Variants in COL5A2 observed in about 807,000 individuals in gnomAD.
The protein encoded by COL5A2 is collagen type V alpha 2 chain.
COL5A2 carries 23 observed loss-of-function variants against 208.2 expected under a neutral mutation model. That is an observed-to-expected ratio of 0.11 (90% CI 0.08 to 0.16). The LOEUF is 0.16. COL5A2 is among the 10% of genes least tolerant of loss of function. COL5A2 has a pLI of 1.00. For synonymous variants in COL5A2, 625 were observed against 628.5 expected, an observed-to-expected ratio of 0.99 and a Z score of 0.08; for missense variants, 1,590 against 1,956.4, an observed-to-expected ratio of 0.81 and a Z score of 3.53.
chr2:189,383,761 C>T, the COL5A2 span, among the ~76,000 whole-genome samples: 12 of 151,904 alleles, frequency 7.9e-5, no homozygotes, highest in African/African-American at 2.9e-4. Flanking sequence ...GTGTTAGGAA[C>T]GTTCTAATTC....
At chr2:189,055,168 C>T (rs1376058836) in intron 35 of COL5A2, among the ~76,000 whole-genome samples, 4 of 152,296 alleles carry the variant, frequency 2.6e-5, no homozygotes, top group East Asian at 1.9e-4. Flanking sequence ...CAGGCGTGAG[C>T]CATCGCGCCC....
intron 3 of COL5A2, among the ~76,000 whole-genome samples, chr2:189,100,415 T>C (rs1687024944): frequency 6.6e-6 from 1 of 151,706 alleles, no homozygotes; most frequent in Non-Finnish European, 1.5e-5. Flanking sequence ...ATCCAAAGAG[T>C]TGACTAGAGC....
chr2:189,097,470 G>A, intron 5 of COL5A2, 140 bp from the exon 6 acceptor site: 1 of 877,302 alleles, frequency 1.1e-6, no homozygotes, highest in Non-Finnish European at 1.8e-6. Flanking sequence ...AGAGAATAAA[G>A]CCATGTGCAT....
chr2:189,167,519 CTA>C (rs1252563423), intron 1 of COL5A2, among the ~76,000 whole-genome samples: 3 of 152,064 alleles, frequency 2.0e-5, no homozygotes, highest in African/African-American at 7.3e-5. Context: ...GTTTATAAAC[CTA>C]TGAGTTGTGT....
chr2:189,325,136 GA>G, the COL5A2 span, among the ~76,000 whole-genome samples: 1 of 151,726 alleles, frequency 6.6e-6, no homozygotes, highest in Non-Finnish European at 1.5e-5. Flanking sequence ...TTGGACACGG[GA>G]AGGGGAACAT....
the COL5A2 span, among the ~76,000 whole-genome samples, chr2:189,317,452 A>T: frequency 6.6e-6 from 1 of 152,120 alleles, no homozygotes; most frequent in Non-Finnish European, 1.5e-5. Flanking sequence ...CAATGTTCCA[A>T]ATACTTTCTA....
chr2:189,064,933 C>T (rs1686114914), intron 24 of COL5A2, 71 bp downstream of exon 24: 1 of 1,426,948 alleles, frequency 7.0e-7, no homozygotes, highest in Non-Finnish European at 9.8e-7. Context: ...ATAGCTAGAT[C>T]ACCGTGCTGA....
At chr2:189,172,969 T>C (rs974728666) in intron 1 of COL5A2, among the ~76,000 whole-genome samples, 4 of 13,212 alleles carry the variant, frequency 3.0e-4, no homozygotes, top group Non-Finnish European at 7.3e-4. Flanking sequence ...TTTCCTCTTC[T>C]TTTTTTTTTT....
At chr2:189,100,504 G>C (rs1333188639) in intron 3 of COL5A2, among the ~76,000 whole-genome samples, 1 of 151,740 alleles carries the variant, frequency 6.6e-6, no homozygotes, top group Non-Finnish European at 1.5e-5. Context: ...CACAAAAAGA[G>C]CCAGAAATTG....
At chr2:189,042,836 A>C in intron 48 of COL5A2, 63 bp from the exon 49 acceptor site, 14 of 1,468,368 alleles carry the variant, frequency 9.5e-6, no homozygotes, top group Non-Finnish European at 1.2e-5. Context: ...TGCCATTCTC[A>C]AAAATGTGCT....
At chr2:189,086,450 G>A (rs942231943) in intron 9 of COL5A2, among the ~76,000 whole-genome samples, 1 of 152,082 alleles carries the variant, frequency 6.6e-6, no homozygotes, top group East Asian at 1.9e-4. Context: ...ATAACATAAT[G>A]AATTTCTTAC....
chr2:189,312,546 G>A, the COL5A2 span, among the ~76,000 whole-genome samples: 2 of 152,172 alleles, frequency 1.3e-5, no homozygotes, highest in Non-Finnish European at 2.9e-5. Flanking sequence ...GCCGTCCCAG[G>A]AAGAGAGCAA....
the COL5A2 span, among the ~76,000 whole-genome samples, chr2:189,280,651 A>G: frequency 6.6e-6 from 1 of 152,232 alleles, no homozygotes; most frequent in Non-Finnish European, 1.5e-5. Flanking sequence ...TCAATTCTGT[A>G]TTTTCCAGGA....
the COL5A2 span, among the ~76,000 whole-genome samples, chr2:189,310,523 A>G: frequency 6.6e-6 from 1 of 152,224 alleles, no homozygotes; most frequent in Non-Finnish European, 1.5e-5. Flanking sequence ...GAAGTTCCTC[A>G]AAAAACTAAA....
At chr2:189,224,632 T>A (rs1689390020) in intron 1 of COL5A2, among the ~76,000 whole-genome samples, 1 of 151,976 alleles carries the variant, frequency 6.6e-6, no homozygotes, top group African/African-American at 2.4e-5. Context: ...GAGGTTGAAG[T>A]GAGCTGAGAA....
chr2:189,045,224 C>A lies in COL5A2; in HGVS notation c.3318G>T (p.Arg1106=). Residue 1106 remains arginine (R), a synonymous_variant, in exon 47 of 54, where the codon CGG becomes CGT. Transcript: ENST00000374866. ...CTCGACCAGGTGGTCCTATAGGACCCCGAGAACCCTAAAAGAAATTTACAA... is the reference window on the plus strand; with the variant it reads ...CTCGACCAGGTGGTCCTATAGGACCACGAGAACCCTAAAAGAAATTTACAA... ...DAGQRGDPGS[R]GPIGPPGRAG... The A allele has an allele frequency of 6.2e-7, 1 of 1,605,876 alleles. No individual in the cohort carries two copies. Among genetic ancestry groups the A allele is most frequent in the Non-Finnish European group, 8.5e-7 (1 of 1,176,012 alleles).
chr2:189,071,442 A>C (rs1417735666), intron 18 of COL5A2, among the ~76,000 whole-genome samples: 1 of 152,198 alleles, frequency 6.6e-6, no homozygotes, highest in Non-Finnish European at 1.5e-5. Flanking sequence ...CAAAGTACTG[A>C]GAGAAAGAAC....
the COL5A2 span, among the ~76,000 whole-genome samples, chr2:189,243,857 C>T: frequency 4.6e-5 from 7 of 152,180 alleles, no homozygotes; most frequent in South Asian, 2.1e-4. Flanking sequence ...TGGATAAATA[C>T]GGCCATTCAA....
chr2:189,097,439 T>C, intron 5 of COL5A2, 109 bp from the exon 6 acceptor site: 2 of 1,090,674 alleles, frequency 1.8e-6, no homozygotes, highest in South Asian at 2.6e-5. Context: ...CCACACTTAA[T>C]TCAGTTCAGT....
Sources: allele counts gnomAD v4.1 joint callset (sites outside exome capture counted in the v4.1 genomes callset), GRCh38; gene constraint gnomAD v4.1.1; transcripts MANE v1.5; gene names NCBI Gene and HGNC (gene_info 2026-07-23, HGNC 2026-07-21).